The following SPINK14 variants were observed in gnomAD, a reference collection of about 807,000 sequenced individuals.
The protein encoded by SPINK14 is serine protease inhibitor Kazal-type 14.
A neutral mutation model predicts 14.2 loss-of-function variants in SPINK14; 6 were observed. The observed-to-expected ratio is 0.42, with a 90% CI of 0.23 to 0.83. SPINK14 has a LOEUF of 0.83. Among genes scored for constraint, SPINK14 ranks in the 40% least tolerant of loss-of-function variants. The pLI is 0.28. For synonymous variants in SPINK14, 34 were observed against 36.8 expected (o/e 0.92, Z 0.27); for missense variants, 86 against 108.3 (o/e 0.79, Z 0.91).
intron 1 of SPINK14, among the ~76,000 whole-genome samples, 125 bp downstream of exon 1, chr5:148,168,692 G>C (rs1755061971): frequency 6.6e-6 from 1 of 152,072 alleles, no homozygotes; most frequent in Non-Finnish European, 1.5e-5. Context: ...AAAATATCAG[G>C]ATGAGATGGG....
At position 148,174,241 on chromosome 5, in the gene SPINK14, G is replaced by A. The variant is rs749576208; in HGVS notation, c.119G>A (p.Cys40Tyr). Residue 40 changes from cysteine (C) to tyrosine (Y), a missense_variant, in exon 4 of 5, where the codon TGT becomes TAT. Coordinates refer to ENST00000356972, the MANE Select transcript of SPINK14 (RefSeq NM_001001325.2). ...WPPRGIIKVK[C>Y]PYEKVNLSWY... ...TTTTCAACTCAATTTCAGGTGAAATGTCCATATGAGAAAGTAAACTTGAGC... is the reference window on the plus strand; with the variant it reads ...TTTTCAACTCAATTTCAGGTGAAATATCCATATGAGAAAGTAAACTTGAGC... The A allele has an allele frequency of 1.3e-5, 15 of 1,113,656 alleles. 6 individuals carry two copies. In the South Asian group the frequency reaches 2.0e-4, roughly 15 times the overall value. 69.0% of individuals were successfully genotyped at this position (1,113,656 alleles called of 1,614,324 possible).
intron 2 of SPINK14, 67 bp from the exon 3 acceptor site, chr5:148,170,863 C>T: frequency 7.1e-7 from 1 of 1,407,500 alleles, no homozygotes; most frequent in Non-Finnish European, 1.0e-6. Flanking sequence ...CTCGTTTATT[C>T]TGCCAACAGA....
At chr5:148,169,914 ATGTG>A in intron 2 of SPINK14, 115 bp downstream of exon 2, 6 of 519,718 alleles carry the variant, frequency 1.2e-5, no homozygotes, top group Non-Finnish European at 1.6e-5. Flanking sequence ...ATATATATAT[ATGTG>A]TATATATATA....
chr5:148,172,259 C>T (rs953671071), intron 3 of SPINK14, among the ~76,000 whole-genome samples: 3 of 152,032 alleles, frequency 2.0e-5, no homozygotes, highest in Non-Finnish European at 4.4e-5. Flanking sequence ...GGGAGAAAGA[C>T]CTTACCTACC....
chr5:148,169,720 A>C lies in SPINK14; in HGVS notation c.-13A>C. ...TTTCAGAGCATCATTCCAAGGACAC[A>C]CCAGGAGGAAAAATGGCCAAATCTT... On this transcript the variant is annotated 5_prime_UTR_variant, in exon 2 of 5. Transcript: ENST00000356972. The C allele has an allele frequency of 3.1e-6, 5 of 1,606,630 alleles. No homozygotes were observed. Among genetic ancestry groups the C allele is most frequent in the Non-Finnish European group, 4.3e-6 (5 of 1,175,198 alleles).
chr5:148,175,482 T>G lies in SPINK14; in HGVS notation c.*84T>G. On this transcript the variant is annotated 3_prime_UTR_variant, in exon 5 of 5. Coordinates refer to ENST00000356972, the MANE Select transcript of SPINK14 (RefSeq NM_001001325.2). ...TCCCTCTTGCGCTTTTTACATCTCC[T>G]TGCATTTGTTCTTCATGACAAAGAG... 1 of 1,015,982 alleles carries G rather than the reference T, an allele frequency of 9.8e-7. No homozygotes were observed. Among genetic ancestry groups the G allele is most frequent in the South Asian group, 1.4e-5 (1 of 70,860 alleles). The allele number at this position is 1,015,982 out of a possible 1,614,324, so 62.9% of individuals were successfully genotyped here. A position where few individuals can be genotyped will look rare whatever the true frequency, so the allele number is the denominator to read the frequency against.
Position 148,175,429 on chromosome 5 carries a change from CTTT to C in SPINK14, c.*39_*41del. On this transcript the variant is annotated 3_prime_UTR_variant, in exon 5 of 5. Coordinates refer to ENST00000356972, the MANE Select transcript of SPINK14 (RefSeq NM_001001325.2). ...TGGACTTGAATGTGGAAGATATCTT[CTTT>C]TTTTTTTCCTCCATGTCTCCAATCT... 7.2e-7 allele frequency: 1 copy of C among 1,390,140 alleles called. No individual in the cohort carries two copies. Among genetic ancestry groups the C allele is most frequent in the Non-Finnish European group, 9.8e-7 (1 of 1,021,274 alleles). 86.1% of individuals were successfully genotyped at this position (1,390,140 alleles called of 1,614,324 possible). A position where few individuals can be genotyped will look rare whatever the true frequency, so the allele number is the denominator to read the frequency against.
chr5:148,170,811 A>G, intron 2 of SPINK14, 119 bp from the exon 3 acceptor site: 1 of 827,386 alleles, frequency 1.2e-6, no homozygotes, highest in Non-Finnish European at 2.0e-6. Context: ...AAATGAAATA[A>G]TGTTTTCCAT....
chr5:148,170,470 G>C (rs921179362), intron 2 of SPINK14, among the ~76,000 whole-genome samples: 5 of 152,074 alleles, frequency 3.3e-5, no homozygotes, highest in African/African-American at 1.2e-4. Flanking sequence ...CATGTAGGGA[G>C]TCATAAAGAG....
At chr5:148,170,392 TAG>T (rs1022274684) in intron 2 of SPINK14, among the ~76,000 whole-genome samples, 2 of 151,990 alleles carry the variant, frequency 1.3e-5, no homozygotes, top group African/African-American at 4.8e-5. Context: ...CTGGAAAATT[TAG>T]AGTGTTTGAT....
chr5:148,170,199 C>A (rs927092797), intron 2 of SPINK14, among the ~76,000 whole-genome samples: 1 of 145,176 alleles, frequency 6.9e-6, no homozygotes, highest in Non-Finnish European at 1.5e-5. Context: ...CACACACATA[C>A]ATATATATAT....
rs368371866 is a variant in SPINK14, at chr5:148,169,674, G to A, written c.-59G>A. 2.2e-3 allele frequency: 3,130 copies of A among 1,414,558 alleles called. 11 individuals carry two copies. The Middle Eastern group carries it at 0.022, about 10-fold the overall frequency. The allele number at this position is 1,414,558 out of a possible 1,614,324, so 87.6% of individuals were successfully genotyped here. On this transcript the variant is annotated 5_prime_UTR_variant, in exon 2 of 5. Transcript: ENST00000356972. Reference sequence around the variant, plus strand: ...TCTCTACTTTAGTGATTGTATTAGAGGGCAACAACCTGAGACAATATTTCA... The same window carrying A: ...TCTCTACTTTAGTGATTGTATTAGAAGGCAACAACCTGAGACAATATTTCA...
chr5:148,169,423 A>C (rs1354630954), intron 1 of SPINK14, among the ~76,000 whole-genome samples: 2 of 152,160 alleles, frequency 1.3e-5, no homozygotes, highest in Non-Finnish European at 2.9e-5. Context: ...TCCCACTAAA[A>C]TAATACACTT....
intron 3 of SPINK14, among the ~76,000 whole-genome samples, chr5:148,172,953 T>C (rs539567566): frequency 7.2e-5 from 11 of 152,226 alleles, no homozygotes; most frequent in Admixed American, 2.0e-4. Context: ...TTTTAGCCCA[T>C]ATTAAGAAAT....
In SPINK14 at chr5:148,169,697, T is replaced by C. The variant is rs1421903683; in HGVS notation, c.-36T>C. ...GAGGGCAACAACCTGAGACAATATTTCAGAGCATCATTCCAAGGACACACC... is the reference window on the plus strand; with the variant it reads ...GAGGGCAACAACCTGAGACAATATTCCAGAGCATCATTCCAAGGACACACC... On this transcript the variant is annotated 5_prime_UTR_variant, in exon 2 of 5. Transcript: ENST00000356972. The C allele has an allele frequency of 6.4e-7, 1 of 1,557,344 alleles. No individual in the cohort carries two copies. Among genetic ancestry groups the C allele is most frequent in the Non-Finnish European group, 8.8e-7 (1 of 1,132,454 alleles).
intron 3 of SPINK14, among the ~76,000 whole-genome samples, chr5:148,172,546 T>C (rs943275651): frequency 2.6e-5 from 4 of 152,204 alleles, no homozygotes; most frequent in African/African-American, 9.6e-5. Flanking sequence ...CCAATATATG[T>C]GCTGGGCACA....
chr5:148,168,768 T>C (rs1334635464), intron 1 of SPINK14, among the ~76,000 whole-genome samples: 5 of 152,124 alleles, frequency 3.3e-5, no homozygotes, highest in Admixed American at 2.6e-4. Flanking sequence ...CAACCTTTCA[T>C]AGTGTACAAA....
chr5:148,172,436 G>A (rs1410336039), intron 3 of SPINK14, among the ~76,000 whole-genome samples: 1 of 152,098 alleles, frequency 6.6e-6, no homozygotes, highest in African/African-American at 2.4e-5. Context: ...AATATAAACT[G>A]TTCTTACTCT....
rs189357431 is a variant in SPINK14 at position 148,174,280 on chromosome 5, C to T, written c.158C>T (p.Thr53Met). Residue 53 changes from threonine to methionine, a missense_variant, in exon 4 of 5, where the codon ACG (threonine) becomes ATG (methionine). Transcript: ENST00000356972. ...GTAAACTTGAGCTGGTACAATGGAACGGTCAACCCCTGCCCTGGCTTATAT... is the reference window on the plus strand; with the variant it reads ...GTAAACTTGAGCTGGTACAATGGAATGGTCAACCCCTGCCCTGGCTTATAT... ...EKVNLSWYNG[T>M]VNPCPGLYQP... 259 of 1,112,716 alleles carry T rather than the reference C, an allele frequency of 2.3e-4. 83 individuals carry two copies. The East Asian group carries it at 6.9e-3, about 30-fold the overall frequency. The allele number at this position is 1,112,716 out of a possible 1,614,324, so 68.9% of individuals were successfully genotyped here. A position where few individuals can be genotyped will look rare whatever the true frequency, so the allele number is the denominator to read the frequency against.
Sources: gnomAD v4.1 joint callset for allele counts (sites outside exome capture counted in the v4.1 genomes callset) on GRCh38, gnomAD v4.1.1 for gene constraint, MANE v1.5 for transcripts, NCBI Gene and HGNC (gene_info 2026-07-23, HGNC 2026-07-21) for gene names.